Variants in EYA2 observed in about 807,000 individuals in gnomAD.
The protein encoded by EYA2 is EYA transcriptional coactivator and phosphatase 2, also known as protein phosphatase EYA2.
A neutral mutation model predicts 69.2 loss-of-function variants in EYA2; 31 were observed. That is an observed-to-expected ratio of 0.45 (90% CI 0.34 to 0.60). The LOEUF (loss-of-function observed/expected upper bound fraction) is 0.60. EYA2 is among the 20% of genes least tolerant of loss of function. EYA2 has a pLI of 0.02. For synonymous variants in EYA2, 257 were observed against 279.4 expected (o/e 0.92, Z 0.80); for missense variants, 622 against 701.2 (o/e 0.89, Z 1.28).
chr20:47,013,645 G>T (rs1983218951), intron 4 of EYA2, among the ~76,000 whole-genome samples: 1 of 152,208 alleles, frequency 6.6e-6, no homozygotes, highest in Non-Finnish European at 1.5e-5. Flanking sequence ...AAAACAGAGT[G>T]TCTGAGCATA....
At chr20:47,175,704 A>G (rs1272373302) in intron 12 of EYA2, among the ~76,000 whole-genome samples, 1 of 152,180 alleles carries the variant, frequency 6.6e-6, no homozygotes, top group East Asian at 1.9e-4. Flanking sequence ...AGCGTGGAGC[A>G]AAGTAGGGGT....
At chr20:47,116,495 G>A (rs1409874399) in intron 9 of EYA2, among the ~76,000 whole-genome samples, 3 of 151,206 alleles carry the variant, frequency 2.0e-5, no homozygotes, top group Non-Finnish European at 4.4e-5. Context: ...CTTCTTAAAA[G>A]GCTGGAATTG....
At chr20:46,964,083 C>T (rs981571977) in intron 1 of EYA2, among the ~76,000 whole-genome samples, 1 of 152,220 alleles carries the variant, frequency 6.6e-6, no homozygotes, top group South Asian at 2.1e-4. Context: ...GAGTGTGTTG[C>T]ACATGAGGTC....
rs966432936 is a variant in EYA2 at position 47,005,096 on chromosome 20, A to G, written c.298+12A>G. On this transcript the variant is annotated intron_variant, in intron 4 of 15. Coordinates refer to ENST00000327619, the MANE Select transcript of EYA2 (RefSeq NM_005244.5). ...AATCCCTTCCTACAGTGAGTAGTAA[A>G]CAAGTCCTTACTCTCCTCCTCAGGT... 6.2e-7 allele frequency: 1 copy of G among 1,612,632 alleles called. No individual in the cohort carries two copies. The highest frequency in any genetic ancestry group is 8.5e-7 in the Non-Finnish European group (1 of 1,179,328).
intron 9 of EYA2, among the ~76,000 whole-genome samples, chr20:47,113,857 T>C (rs7269083): frequency 0.02 from 250 of 12,314 alleles, no homozygotes; most frequent in African/African-American, 0.067. Flanking sequence ...CCTAGATGGG[T>C]TTTTTTTTTT....
intron 5 of EYA2, among the ~76,000 whole-genome samples, chr20:47,033,174 T>A (rs1361837660): frequency 6.6e-6 from 1 of 151,980 alleles, no homozygotes; most frequent in Non-Finnish European, 1.5e-5. Flanking sequence ...AGTGGAGTAT[T>A]TTTGATCGCT....
At chr20:47,170,799 T>C (rs1438288443) in intron 11 of EYA2, among the ~76,000 whole-genome samples, 1 of 152,204 alleles carries the variant, frequency 6.6e-6, no homozygotes, top group Non-Finnish European at 1.5e-5. Flanking sequence ...TCATCAGATA[T>C]ATTATTAGAC....
intron 7 of EYA2, among the ~76,000 whole-genome samples, chr20:47,075,616 C>T (rs1156694086): frequency 6.6e-6 from 1 of 152,082 alleles, no homozygotes; most frequent in Admixed American, 6.5e-5. Context: ...GATTCTTTGT[C>T]TAAGAGGGGT....
At chr20:47,177,701 C>T (rs976713947) in intron 12 of EYA2, among the ~76,000 whole-genome samples, 2 of 152,316 alleles carry the variant, frequency 1.3e-5, no homozygotes, top group Non-Finnish European at 1.5e-5. Context: ...GTAGAGAAGA[C>T]GATGTCTCCA....
intron 10 of EYA2, among the ~76,000 whole-genome samples, chr20:47,148,829 C>A (rs771996006): frequency 6.6e-6 from 1 of 152,222 alleles, no homozygotes; most frequent in Non-Finnish European, 1.5e-5. Flanking sequence ...ACTCTGAAAG[C>A]TGTTCATGGG....
intron 5 of EYA2, among the ~76,000 whole-genome samples, chr20:47,039,131 A>ACACACG (rs1491238896): frequency 2.0e-5 from 2 of 98,516 alleles, no homozygotes; most frequent in African/African-American, 6.6e-5. Context: ...ACACACACAC[A>ACACACG]CGCGCGCACA....
chr20:47,013,574 C>T (rs1347811343), intron 4 of EYA2, among the ~76,000 whole-genome samples: 1 of 152,226 alleles, frequency 6.6e-6, no homozygotes, highest in Non-Finnish European at 1.5e-5. Flanking sequence ...TGGAGTTCAT[C>T]ATCAGGGAAC....
chr20:46,908,316 C>T lies in EYA2; in HGVS notation c.-11+13329C>T, dbSNP rs371222569. 5.3e-5 allele frequency among the ~76,000 whole-genome samples: 8 copies of T among 152,076 alleles called. 1 individual carries two copies. The highest frequency in any genetic ancestry group is 1.3e-4 in the Admixed American group (2 of 15,256). On this transcript the variant is annotated intron_variant, in intron 1 of 15. Transcript: ENST00000327619. ...GAGAAAAAAGGTCAAGAGAAGCTGACGAGAACATGCCCAGGGGAGGCGAGA... is the reference window on the plus strand; with the variant it reads ...GAGAAAAAAGGTCAAGAGAAGCTGATGAGAACATGCCCAGGGGAGGCGAGA...
At chr20:47,179,370 T>A (rs2034489346) in intron 12 of EYA2, among the ~76,000 whole-genome samples, 3 of 126,356 alleles carry the variant, frequency 2.4e-5, no homozygotes, top group Non-Finnish European at 3.4e-5. Flanking sequence ...AGATGGATGG[T>A]TGGATATTGG....
At chr20:47,072,799 C>A (rs2031363788) in intron 6 of EYA2, among the ~76,000 whole-genome samples, 1 of 152,166 alleles carries the variant, frequency 6.6e-6, no homozygotes. Context: ...GCTGTGTGTA[C>A]ACCTTCCCTG....
At chr20:47,127,999 C>G (rs2033243045) in intron 9 of EYA2, among the ~76,000 whole-genome samples, 1 of 152,144 alleles carries the variant, frequency 6.6e-6, no homozygotes, top group Admixed American at 6.5e-5. Context: ...TCTAAAGAGG[C>G]CCTAAAGTTA....
At chr20:47,121,196 G>T (rs952122405) in intron 9 of EYA2, among the ~76,000 whole-genome samples, 5 of 152,138 alleles carry the variant, frequency 3.3e-5, no homozygotes, top group African/African-American at 9.7e-5. Context: ...CTGGGTTCAA[G>T]CTATTCTGCC....
intron 5 of EYA2, among the ~76,000 whole-genome samples, chr20:47,058,320 G>A (rs747011123): frequency 1.2e-4 from 19 of 152,228 alleles, no homozygotes; most frequent in Non-Finnish European, 1.9e-4. Context: ...TGTAGGATGT[G>A]GGAACCACCT....
intron 9 of EYA2, among the ~76,000 whole-genome samples, chr20:47,133,125 C>T (rs1016644145): frequency 6.6e-6 from 1 of 152,250 alleles, no homozygotes. Flanking sequence ...AGACCTAAAG[C>T]AAGGTGGGAT....
Sources: gnomAD v4.1 joint callset for allele counts (sites outside exome capture counted in the v4.1 genomes callset) on GRCh38, gnomAD v4.1.1 for gene constraint, MANE v1.5 for transcripts, NCBI Gene and HGNC (gene_info 2026-07-23, HGNC 2026-07-21) for gene names.